Variants in NUDT3 observed in about 807,000 individuals in gnomAD.
NUDT3 encodes nudix hydrolase 3.
In NUDT3, 9 loss-of-function variants were observed where a neutral mutation model predicts 23.6. The observed-to-expected ratio is 0.38, with a 90% CI of 0.23 to 0.66. The LOEUF (loss-of-function observed/expected upper bound fraction) is 0.66. Ranked by LOEUF, NUDT3 falls within the 30% of genes least tolerant of loss-of-function variation. The pLI is 0.52. For synonymous variants in NUDT3, 86 were observed against 82.6 expected (o/e 1.04, Z -0.22); for missense variants, 172 against 218.5 (o/e 0.79, Z 1.34).
At chr6:34,357,866 C>T (rs1425401161) in intron 1 of NUDT3, among the ~76,000 whole-genome samples, 2 of 152,058 alleles carry the variant, frequency 1.3e-5, no homozygotes, top group African/African-American at 2.4e-5. Context: ...ATTAGAAGGT[C>T]CTGCCTCAGT....
At chr6:34,348,941 C>T (rs1764425894) in intron 1 of NUDT3, among the ~76,000 whole-genome samples, 1 of 151,818 alleles carries the variant, frequency 6.6e-6, no homozygotes, top group South Asian at 2.1e-4. Context: ...CTTACTGCAG[C>T]CTTGGACTCC....
intron 1 of NUDT3, among the ~76,000 whole-genome samples, chr6:34,353,894 G>A (rs181497831): frequency 2.0e-5 from 3 of 150,600 alleles, no homozygotes; most frequent in South Asian, 4.2e-4. Flanking sequence ...ACAGGGTTTC[G>A]CCATGTTGCC....
intron 2 of NUDT3, 138 bp downstream of exon 2, chr6:34,341,724 G>C: frequency 1.6e-6 from 1 of 630,286 alleles, no homozygotes; most frequent in Non-Finnish European, 2.5e-6. Context: ...TAATAAAGGA[G>C]GGACCGGATA....
At chr6:34,350,855 C>T (rs1429030577) in intron 1 of NUDT3, among the ~76,000 whole-genome samples, 1 of 150,324 alleles carries the variant, frequency 6.7e-6, no homozygotes, top group Non-Finnish European at 1.5e-5. Context: ...CTGCCTAGTA[C>T]AAAGAAACAC....
chr6:34,356,800 C>T (rs756789782), intron 1 of NUDT3, among the ~76,000 whole-genome samples: 10 of 151,832 alleles, frequency 6.6e-5, no homozygotes, highest in South Asian at 4.2e-4. Flanking sequence ...TTTCTTTTGA[C>T]GGAGTCTCGC....
chr6:34,302,054 T>A (rs924349753), intron 2 of NUDT3, among the ~76,000 whole-genome samples: 2 of 152,162 alleles, frequency 1.3e-5, no homozygotes, highest in East Asian at 1.9e-4. Context: ...TTATTTATTT[T>A]GAGACCAGTC....
intron 1 of NUDT3, among the ~76,000 whole-genome samples, chr6:34,370,979 C>G (rs565412402): frequency 3.3e-4 from 50 of 151,958 alleles, no homozygotes; most frequent in East Asian, 2.3e-3. Context: ...GGCATGGTGG[C>G]ACGTACCTGT....
At chr6:34,315,662 G>A (rs951958081) in intron 2 of NUDT3, among the ~76,000 whole-genome samples, 7 of 152,172 alleles carry the variant, frequency 4.6e-5, no homozygotes, top group African/African-American at 1.7e-4. Flanking sequence ...AAGGCCTGCA[G>A]TTATAGGTTT....
At chr6:34,380,568 T>C (rs921537330) in intron 1 of NUDT3, among the ~76,000 whole-genome samples, 4 of 152,308 alleles carry the variant, frequency 2.6e-5, no homozygotes, top group Middle Eastern at 3.4e-3. Flanking sequence ...AAATGAAAAG[T>C]AGATGAAATC....
chr6:34,322,032 C>T (rs192684060), intron 2 of NUDT3, among the ~76,000 whole-genome samples: 1 of 152,114 alleles, frequency 6.6e-6, no homozygotes, highest in Admixed American at 6.6e-5. Flanking sequence ...TAACTAGCCA[C>T]GTAAGGCAGC....
chr6:34,344,223 C>CA (rs1764330585), intron 1 of NUDT3, among the ~76,000 whole-genome samples: 1 of 152,106 alleles, frequency 6.6e-6, no homozygotes, highest in African/African-American at 2.4e-5. Context: ...AACAGGTACT[C>CA]AAACAGACAC....
At chr6:34,322,280 G>A (rs2113718354) in intron 2 of NUDT3, among the ~76,000 whole-genome samples, 1 of 151,946 alleles carries the variant, frequency 6.6e-6, no homozygotes, top group Non-Finnish European at 1.5e-5. Flanking sequence ...GCCCAGGCTG[G>A]AGTGCAGTGG....
At chr6:34,314,762 T>G (rs1389273093) in intron 2 of NUDT3, among the ~76,000 whole-genome samples, 1 of 152,128 alleles carries the variant, frequency 6.6e-6, no homozygotes, top group Non-Finnish European at 1.5e-5. Flanking sequence ...TAAGTCACTG[T>G]GTGATTCGGG....
intron 2 of NUDT3, among the ~76,000 whole-genome samples, chr6:34,332,032 G>A (rs1475736817): frequency 6.6e-6 from 1 of 151,918 alleles, no homozygotes; most frequent in Non-Finnish European, 1.5e-5. Context: ...GTGTCAACAC[G>A]CCCAACTAAT....
At chr6:34,304,568 T>C (rs756000098) in intron 2 of NUDT3, among the ~76,000 whole-genome samples, 11 of 152,144 alleles carry the variant, frequency 7.2e-5, no homozygotes, top group Non-Finnish European at 1.2e-4. Context: ...TCTAGTCTGA[T>C]CTTGGTATTT....
At chr6:34,315,623 T>C (rs1763845782) in intron 2 of NUDT3, among the ~76,000 whole-genome samples, 1 of 152,216 alleles carries the variant, frequency 6.6e-6, no homozygotes, top group Admixed American at 6.5e-5. Context: ...ACATATCTGT[T>C]ATAAATATGT....
rs184487588 is a variant in NUDT3 at position 34,357,206 on chromosome 6, T to C, written c.100-15234A>G. 6.7e-3 allele frequency among the ~76,000 whole-genome samples: 1,018 copies of C among 152,248 alleles called. 8 individuals carry two copies. The highest frequency in any genetic ancestry group is 0.031 in the Middle Eastern group (9 of 294). On this transcript the variant is annotated intron_variant, in intron 1 of 4. Coordinates refer to ENST00000607016, the MANE Select transcript of NUDT3 (RefSeq NM_006703.4). ...GGAGGGGGAGGAGTGATTACGAATA[T>C]ACATCCTACAAAATTGGCCACGAGC...
intron 3 of NUDT3, among the ~76,000 whole-genome samples, chr6:34,294,920 C>G (rs550498326): frequency 6.6e-6 from 1 of 152,114 alleles, no homozygotes; most frequent in African/African-American, 2.4e-5. Flanking sequence ...AGCCACCACG[C>G]CCAGCATCTG....
chr6:34,327,899 C>T (rs1472970333), intron 2 of NUDT3, among the ~76,000 whole-genome samples: 1 of 152,166 alleles, frequency 6.6e-6, no homozygotes, highest in East Asian at 1.9e-4. Flanking sequence ...GAGGGCTCAC[C>T]TCTTGCCTTC....
Sources: gnomAD v4.1 joint callset for allele counts (sites outside exome capture counted in the v4.1 genomes callset) on GRCh38, gnomAD v4.1.1 for gene constraint, MANE v1.5 for transcripts, NCBI Gene and HGNC (gene_info 2026-07-23, HGNC 2026-07-21) for gene names.